The following ARHGAP11B variants were observed in gnomAD, a reference collection of about 807,000 sequenced individuals.
The protein encoded by ARHGAP11B is inactive Rho GTPase-activating protein 11B.
A neutral mutation model predicts 27.6 loss-of-function variants in ARHGAP11B; 14 were observed. The observed-to-expected ratio is 0.51, with a 90% CI of 0.34 to 0.79. ARHGAP11B has a LOEUF of 0.79. ARHGAP11B is among the 30% of genes least tolerant of loss of function. The pLI is 0.02. For missense variants in ARHGAP11B, 245 were observed against 320.1 expected (o/e 0.77, Z 1.79); for synonymous variants, 82 against 114.1 (o/e 0.72, Z 1.80).
intron 7 of ARHGAP11B, among the ~76,000 whole-genome samples, chr15:30,640,239 T>A (rs1321823180): frequency 2.4e-5 from 3 of 126,552 alleles, no homozygotes; most frequent in African/African-American, 9.0e-5. Flanking sequence ...AGGTTATGGT[T>A]TGAAAATGAG....
chr15:30,627,097 T>C, intron 1 of ARHGAP11B, 148 bp downstream of exon 1: 1 of 1,292,406 alleles, frequency 7.7e-7, no homozygotes, highest in Non-Finnish European at 1.0e-6. Context: ...ATTGCTGATA[T>C]TTAAAAAGTG....
chr15:30,645,492 A>C (rs916088964), intron 8 of ARHGAP11B, among the ~76,000 whole-genome samples: 2 of 152,032 alleles, frequency 1.3e-5, no homozygotes, highest in Non-Finnish European at 2.9e-5. Context: ...ATGCAAACCT[A>C]GAGAATTATT....
chr15:30,627,056 G>T, intron 1 of ARHGAP11B, 107 bp downstream of exon 1: 5 of 1,505,902 alleles, frequency 3.3e-6, no homozygotes, highest in Non-Finnish European at 4.5e-6. Flanking sequence ...CAAAAAGAAT[G>T]GTTAGGTGTG....
chr15:30,627,568 T>G (rs2060218035), intron 1 of ARHGAP11B, among the ~76,000 whole-genome samples: 1 of 150,292 alleles, frequency 6.7e-6, no homozygotes, highest in Non-Finnish European at 1.5e-5. Context: ...GGACAGCAAT[T>G]TTTTTTTTTG....
intron 7 of ARHGAP11B, among the ~76,000 whole-genome samples, chr15:30,644,399 G>A (rs1349789222): frequency 2.0e-5 from 3 of 151,970 alleles, no homozygotes; most frequent in Non-Finnish European, 4.4e-5. Flanking sequence ...CAAGATAGGG[G>A]TGAATTTTTT....
rs930877399 is a variant in ARHGAP11B, at chr15:30,638,656, A to G, written c.*4-90A>G. ...AATTTATAAGCCGATGTAAAGTTAC[A>G]TGTTGAAAGAAGACCGCAAATATTA... On this transcript the variant is annotated intron_variant, in intron 6 of 10. Coordinates refer to ENST00000428041, the Ensembl canonical transcript of ARHGAP11B. The G allele has an allele frequency of 9.9e-6, 7 of 705,804 alleles. No individual in the cohort carries two copies. The Admixed American group carries it at 1.8e-4, about 18-fold the overall frequency. The allele number at this position is 705,804 out of a possible 1,614,324, so 43.7% of individuals were successfully genotyped here.
At chr15:30,641,253 T>G (rs534089752) in intron 7 of ARHGAP11B, among the ~76,000 whole-genome samples, 1 of 152,092 alleles carries the variant, frequency 6.6e-6, no homozygotes, top group East Asian at 1.9e-4. Flanking sequence ...TTTCTAAGTT[T>G]AGATTATAAA....
chr15:30,633,671 A>T (rs1470598447), intron 3 of ARHGAP11B, 85 bp downstream of exon 3: 28 of 1,131,698 alleles, frequency 2.5e-5, no homozygotes, highest in Non-Finnish European at 3.0e-5. Context: ...AACTATTAAT[A>T]TGAATAGTTG....
rs150511562 is a variant in ARHGAP11B, at chr15:30,644,691, C to G, written c.*131C>G. On this transcript the variant is annotated 3_prime_UTR_variant, in exon 8 of 11. Coordinates refer to ENST00000428041, the Ensembl canonical transcript of ARHGAP11B. ...TTTGATCCAAAAATATTGCATCTAC[C>G]AGCATTTTCAGGTAGGATCATAAAG... 6.2e-3 allele frequency: 9,731 copies of G among 1,578,654 alleles called. 301 individuals are homozygous for G. The African/African-American group carries it at 0.075, about 12-fold the overall frequency.
chr15:30,638,171 C>A (rs1377453371), intron 6 of ARHGAP11B, among the ~76,000 whole-genome samples: 2 of 150,792 alleles, frequency 1.3e-5, no homozygotes, highest in Admixed American at 1.3e-4. Context: ...CACACACATA[C>A]CCTTCAGAAA....
At chr15:30,643,436 G>C (rs371803803) in intron 7 of ARHGAP11B, among the ~76,000 whole-genome samples, 1 of 151,746 alleles carries the variant, frequency 6.6e-6, no homozygotes, top group Non-Finnish European at 1.5e-5. Flanking sequence ...CTGCCACTGC[G>C]CCTGGCTAAG....
chr15:30,638,778 C>G (rs2060297179), exon 7 of ARHGAP11B: 1 of 1,488,710 alleles, frequency 6.7e-7, no homozygotes. Context: ...TAAATTTAAA[C>G]CTAACAGAAC....
chr15:30,646,161 T>C, exon 9 of ARHGAP11B: 8 of 1,064,264 alleles, frequency 7.5e-6, no homozygotes, highest in Non-Finnish European at 8.1e-6. Context: ...TGACTTTTTG[T>C]AACAAGTGTG....
At chr15:30,637,473 G>A (rs1345625136) in intron 6 of ARHGAP11B, among the ~76,000 whole-genome samples, 2 of 152,048 alleles carry the variant, frequency 1.3e-5, no homozygotes, top group African/African-American at 2.4e-5. Context: ...GATGGCTTAC[G>A]CCTGTAATTC....
chr15:30,629,798 AG>A (rs1307793376), intron 1 of ARHGAP11B, among the ~76,000 whole-genome samples: 3 of 152,096 alleles, frequency 2.0e-5, no homozygotes, highest in Non-Finnish European at 2.9e-5. Context: ...CATCAAAAAA[AG>A]TACTTCAGCA....
chr15:30,626,936 C>T (rs1201238334), exon 1 of ARHGAP11B: 2 of 1,613,016 alleles, frequency 1.2e-6, no homozygotes, highest in Non-Finnish European at 1.7e-6. Flanking sequence ...GAAACAGCAG[C>T]CACGGAAATA....
exon 5 of ARHGAP11B, chr15:30,635,101 T>C (rs1339770119): frequency 5.6e-6 from 9 of 1,613,388 alleles, no homozygotes; most frequent in Admixed American, 3.3e-5. Context: ...ATAAGATGGA[T>C]AGCAGCAATC....
At chr15:30,628,709 A>G (rs1045067049) in intron 1 of ARHGAP11B, among the ~76,000 whole-genome samples, 3 of 152,090 alleles carry the variant, frequency 2.0e-5, no homozygotes, top group African/African-American at 7.2e-5. Context: ...TATTCTAATG[A>G]AGAAATGTAG....
At chr15:30,627,298 T>C (rs1386037122) in intron 1 of ARHGAP11B, among the ~76,000 whole-genome samples, 3 of 152,018 alleles carry the variant, frequency 2.0e-5, no homozygotes, top group African/African-American at 4.8e-5. Flanking sequence ...GTAGCATCTC[T>C]CAGTTGTGAC....
Sources: gnomAD v4.1 joint callset for allele counts (sites outside exome capture counted in the v4.1 genomes callset) on GRCh38, gnomAD v4.1.1 for gene constraint, MANE v1.5 for transcripts, NCBI Gene and HGNC (gene_info 2026-07-23, HGNC 2026-07-21) for gene names.